Variants in CA12 observed in about 807,000 individuals in gnomAD.
CA12 encodes the protein carbonic anhydrase 12.
A neutral mutation model predicts 46.8 loss-of-function variants in CA12; 36 were observed. The ratio of observed to expected loss-of-function variants is 0.77; its 90% confidence interval spans 0.59 to 1.02. The LOEUF (loss-of-function observed/expected upper bound fraction) is 1.02. Among genes scored for constraint, CA12 ranks in the 50% least tolerant of loss-of-function variants. The pLI, the probability that CA12 is intolerant of heterozygous loss-of-function variation, is 0.00. For missense variants in CA12, 436 were observed against 451.4 expected (o/e 0.97, Z 0.31); for synonymous variants, 202 against 187.0 (o/e 1.08, Z -0.65).
intron 4 of CA12, among the ~76,000 whole-genome samples, chr15:63,344,235 C>T (rs1490696130): frequency 1.3e-5 from 2 of 152,220 alleles, no homozygotes; most frequent in African/African-American, 4.8e-5. Flanking sequence ...AGAATGCGAC[C>T]TCTTGCCTCT....
intron 2 of CA12, among the ~76,000 whole-genome samples, chr15:63,361,466 G>T (rs191174540): frequency 1.3e-5 from 2 of 152,252 alleles, no homozygotes; most frequent in East Asian, 1.9e-4. Flanking sequence ...TCACAACTTG[G>T]GGGGGTGCTA....
chr15:63,362,712 A>C (rs1001158089), intron 2 of CA12, among the ~76,000 whole-genome samples: 3 of 152,326 alleles, frequency 2.0e-5, no homozygotes, highest in African/African-American at 7.2e-5. Flanking sequence ...AACAGCTTTC[A>C]CAATAAGGAT....
chr15:63,353,870 G>A lies in CA12; in HGVS notation c.107-7161C>T, dbSNP rs547214478. ...CCTAGAAGCTACATTTTAAAAACATGTTTAAAATATATTTATAGGTCCTGC... is the reference window on the plus strand; with the variant it reads ...CCTAGAAGCTACATTTTAAAAACATATTTAAAATATATTTATAGGTCCTGC... On this transcript the variant is annotated intron_variant, in intron 2 of 10. Transcript: ENST00000178638. Among the ~76,000 whole-genome samples, 3 of 152,292 alleles carry A rather than the reference G, an allele frequency of 2.0e-5. No homozygotes were observed. In the South Asian group the frequency reaches 6.2e-4, roughly 32 times the overall value.
chr15:63,369,440 C>T (rs1006989457), intron 2 of CA12, among the ~76,000 whole-genome samples: 1 of 152,222 alleles, frequency 6.6e-6, no homozygotes, highest in African/African-American at 2.4e-5. Flanking sequence ...CATGTGTTAT[C>T]TTATTTGATC....
intron 4 of CA12, among the ~76,000 whole-genome samples, chr15:63,344,407 T>C (rs777723824): frequency 6.6e-6 from 1 of 152,252 alleles, no homozygotes; most frequent in Non-Finnish European, 1.5e-5. Flanking sequence ...AACTTCTAAA[T>C]GGATTGAGTC....
At chr15:63,353,979 C>T (rs2039265038) in intron 2 of CA12, among the ~76,000 whole-genome samples, 1 of 152,224 alleles carries the variant, frequency 6.6e-6, no homozygotes, top group South Asian at 2.1e-4. Flanking sequence ...GTGGTTCCCA[C>T]AGCATCACCT....
rs538194168 is a variant in CA12, at chr15:63,372,619, A to G, written c.106+3039T>C. ...CGGAGCCTTTGGTTGGACTTGCCCC[A>G]TTCAGTGCGGCCCTTATTGCTTGGA... On this transcript the variant is annotated intron_variant, in intron 2 of 10. Coordinates refer to ENST00000178638, the MANE Select transcript of CA12 (RefSeq NM_001218.5). This position sits in a 1 kb window ranked among gnomAD's most constrained non-coding sequence, Gnocchi z 4.5. Among the ~76,000 whole-genome samples the G allele has an allele frequency of 1.6e-4, 25 of 152,260 alleles. No individual in the cohort carries two copies. Among genetic ancestry groups the G allele is most frequent in the African/African-American group, 4.6e-4 (19 of 41,556 alleles).
intron 8 of CA12, among the ~76,000 whole-genome samples, chr15:63,334,055 C>G (rs796253447): frequency 1.6e-4 from 24 of 152,174 alleles, no homozygotes; most frequent in African/African-American, 4.8e-4. Context: ...AGAACCAGGC[C>G]AAAGCCCTAA....
intron 2 of CA12, among the ~76,000 whole-genome samples, chr15:63,351,099 T>C (rs907578759): frequency 2.6e-5 from 4 of 152,240 alleles, no homozygotes; most frequent in Admixed American, 1.3e-4. Flanking sequence ...ACAGTCCATA[T>C]ATTTTTTGCA....
Position 63,327,025 on chromosome 15 carries a change from C to T in CA12, c.992+124G>A, listed in dbSNP as rs887033102. 3.5e-6 allele frequency: 3 copies of T among 847,498 alleles called. No individual in the cohort carries two copies. The highest frequency in any genetic ancestry group is 3.4e-5 in the African/African-American group (2 of 59,664). 52.5% of individuals were successfully genotyped at this position (847,498 alleles called of 1,614,324 possible). A position where few individuals can be genotyped will look rare whatever the true frequency, so the allele number is the denominator to read the frequency against. ...GGGCACGGGTGCTTTGGGGACGGCCCTCCTAGGGTAAGTGGTGGTCCAGGT... is the reference window on the plus strand; with the variant it reads ...GGGCACGGGTGCTTTGGGGACGGCCTTCCTAGGGTAAGTGGTGGTCCAGGT... On this transcript the variant is annotated intron_variant, in intron 10 of 10. Transcript: ENST00000178638. This position sits in a 1 kb window ranked among gnomAD's most constrained non-coding sequence, Gnocchi z 4.5.
intron 2 of CA12, among the ~76,000 whole-genome samples, chr15:63,370,400 A>T (rs1297964382): frequency 6.7e-6 from 1 of 149,382 alleles, no homozygotes; most frequent in African/African-American, 2.5e-5. Context: ...GCGAGCAGTG[A>T]TTGTGCCACT....
At chr15:63,380,668 C>T (rs2039632935) in intron 1 of CA12, among the ~76,000 whole-genome samples, 1 of 152,142 alleles carries the variant, frequency 6.6e-6, no homozygotes, top group Non-Finnish European at 1.5e-5. Context: ...AAGAGTTATC[C>T]ACAGCCTGGC....
chr15:63,338,344 C>T (rs1165091695), intron 8 of CA12, among the ~76,000 whole-genome samples: 1 of 152,228 alleles, frequency 6.6e-6, no homozygotes, highest in African/African-American at 2.4e-5. Context: ...CACTGTTTTA[C>T]ATCTAACATA....
At chr15:63,336,179 A>G (rs936664213) in intron 8 of CA12, among the ~76,000 whole-genome samples, 3 of 152,186 alleles carry the variant, frequency 2.0e-5, no homozygotes, top group African/African-American at 7.2e-5. Context: ...TGACGTCCTA[A>G]GCTGGGAGAT....
Position 63,326,238 on chromosome 15 carries a change from G to A in CA12, c.*47C>T, listed in dbSNP as rs1440908866. The A allele has an allele frequency of 1.4e-6, 2 of 1,446,898 alleles. No homozygotes were observed. Among genetic ancestry groups the A allele is most frequent in the Non-Finnish European group, 9.7e-7 (1 of 1,027,768 alleles). 89.6% of individuals were successfully genotyped at this position (1,446,898 alleles called of 1,614,324 possible). On this transcript the variant is annotated 3_prime_UTR_variant, in exon 11 of 11. Coordinates refer to ENST00000178638, the MANE Select transcript of CA12 (RefSeq NM_001218.5). Reference sequence around the variant, plus strand: ...TGTCCAGAGAGCCGAAGTGTGTAGGGTCCAAAGCAAGGTCCTTCCTGGATG... The same window carrying A: ...TGTCCAGAGAGCCGAAGTGTGTAGGATCCAAAGCAAGGTCCTTCCTGGATG...
At chr15:63,376,030 A>AGG (rs2039566566) in intron 1 of CA12, among the ~76,000 whole-genome samples, 1 of 152,112 alleles carries the variant, frequency 6.6e-6, no homozygotes, top group African/African-American at 2.4e-5. Context: ...GCTGGTCTCA[A>AGG]ACTCCCGACC....
rs1021150053 is a variant in CA12 at position 63,340,841 on chromosome 15, T to C, written c.526-58A>G. The stretch of plus-strand genomic sequence containing the variant: ...CAGAACAGGATAGGCTGAGCCAGGA[T>C]TGACGATTGCTATCAGAAGGGCAAA... On this transcript the variant is annotated intron_variant, in intron 5 of 10. Transcript: ENST00000178638. The surrounding 1 kb of genome is among the most constrained non-coding windows in gnomAD (Gnocchi z 4.4). The C allele has an allele frequency of 3.4e-6, 5 of 1,487,524 alleles. No homozygotes were observed. Among genetic ancestry groups the C allele is most frequent in the African/African-American group, 2.8e-5 (2 of 72,280 alleles). The allele number at this position is 1,487,524 out of a possible 1,614,324, so 92.1% of individuals were successfully genotyped here. A position where few individuals can be genotyped will look rare whatever the true frequency, so the allele number is the denominator to read the frequency against.
At position 63,327,002 on chromosome 15, in the gene CA12, G is replaced by T. The variant is rs974917062; in HGVS notation, c.992+147C>A. On this transcript the variant is annotated intron_variant, in intron 10 of 10. Coordinates refer to ENST00000178638, the MANE Select transcript of CA12 (RefSeq NM_001218.5). The surrounding 1 kb of genome is among the most constrained non-coding windows in gnomAD (Gnocchi z 4.5). ...TGCGTCTCATGCAAAGGAGGCCAGG[G>T]CACGGGTGCTTTGGGGACGGCCCTC... 1.4e-6 allele frequency: 1 copy of T among 700,282 alleles called. No individual in the cohort carries two copies. Among genetic ancestry groups the T allele is most frequent in the Admixed American group, 2.0e-5 (1 of 48,940 alleles). 43.4% of individuals were successfully genotyped at this position (700,282 alleles called of 1,614,324 possible).
At chr15:63,375,554 C>T in intron 2 of CA12, 104 bp downstream of exon 2, 2 of 759,586 alleles carry the variant, frequency 2.6e-6, no homozygotes, top group South Asian at 3.1e-5. Context: ...TGCTTCCGAC[C>T]CTTCAAAATC....
Sources: gnomAD v4.1 joint callset for allele counts (sites outside exome capture counted in the v4.1 genomes callset) on GRCh38, gnomAD v4.1.1 for gene constraint, Gnocchi (gnomAD v3.1) non-coding constraint, MANE v1.5 for transcripts, NCBI Gene and HGNC (gene_info 2026-07-23, HGNC 2026-07-21) for gene names.